TAF4: variants seen among roughly 807,000 people sequenced by gnomAD.
TAF4 encodes TATA-box binding protein associated factor 4, also known as transcription initiation factor TFIID subunit 4.
A neutral mutation model predicts 90.3 loss-of-function variants in TAF4; 9 were observed. The ratio of observed to expected loss-of-function variants is 0.10; its 90% confidence interval spans 0.06 to 0.17. TAF4 has a LOEUF of 0.17. Ranked by LOEUF, TAF4 falls within the 10% of genes least tolerant of loss-of-function variation. TAF4 has a pLI of 1.00. For missense variants in TAF4, 1,351 were observed against 1,370.7 expected, an observed-to-expected ratio of 0.99 and a Z score of 0.23; for synonymous variants, 818 against 638.9, an observed-to-expected ratio of 1.28 and a Z score of -4.23.
At chr20:61,997,779 CTTCT>C (rs1485312418) in intron 13 of TAF4, 110 bp from the exon 14 acceptor site, 3 of 1,357,192 alleles carry the variant, frequency 2.2e-6, no homozygotes, top group Non-Finnish European at 2.9e-6. Context: ...TAAATCATAA[CTTCT>C]TTAATGTTTT....
In TAF4 at chr20:62,065,709, C is replaced by T. The variant is rs1164943312; in HGVS notation, c.102G>A (p.Ala34=). 9 of 1,292,952 alleles carry T rather than the reference C, an allele frequency of 7.0e-6. No homozygotes were observed. The highest frequency in any genetic ancestry group is 8.0e-6 in the Non-Finnish European group (8 of 1,001,116). 80.1% of individuals were successfully genotyped at this position (1,292,952 alleles called of 1,614,324 possible). A position where few individuals can be genotyped will look rare whatever the true frequency, so the allele number is the denominator to read the frequency against. The change falls in exon 1 of 15, where the codon GCG becomes GCA. Residue 34 remains alanine, a synonymous_variant. Transcript: ENST00000252996. The part of the protein sequence containing the change: ...DLVGSLESQL[A]ASAAHHHHLA... Reference sequence around the variant, plus strand: ...GGTGGTGGTGGTGGGCCGCGCTGGCCGCCAGCTGCGACTCCAGCGAGCCCA... The same window carrying T: ...GGTGGTGGTGGTGGGCCGCGCTGGCTGCCAGCTGCGACTCCAGCGAGCCCA...
rs919682476 is a variant in TAF4, at chr20:61,998,201, G to C, written c.2914-9C>G. 11 of 1,610,770 alleles carry C rather than the reference G, an allele frequency of 6.8e-6. No homozygotes were observed. The highest frequency in any genetic ancestry group is 9.3e-6 in the Non-Finnish European group (11 of 1,179,146). ...TCTTGTCTTGACCGAGACTATTTTTGAAAGAGGCAGAAAAGAAAAGTAAGT... is the reference window on the plus strand; with the variant it reads ...TCTTGTCTTGACCGAGACTATTTTTCAAAGAGGCAGAAAAGAAAAGTAAGT... On this transcript the variant is annotated splice_polypyrimidine_tract_variant and intron_variant, in intron 12 of 14. Transcript: ENST00000252996.
At chr20:61,993,224 C>T (rs2055642961) in intron 14 of TAF4, among the ~76,000 whole-genome samples, 2 of 152,198 alleles carry the variant, frequency 1.3e-5, no homozygotes, top group South Asian at 4.1e-4. Context: ...GAAGCATGAC[C>T]AGCCACCGTC....
chr20:62,060,628 G>A (rs1243508117), intron 1 of TAF4, among the ~76,000 whole-genome samples: 2 of 152,240 alleles, frequency 1.3e-5, no homozygotes, highest in East Asian at 1.9e-4. Flanking sequence ...TCTTTACACA[G>A]CTCCCCAAAA....
At chr20:62,036,752 C>T (rs1008463037) in intron 1 of TAF4, among the ~76,000 whole-genome samples, 7 of 152,222 alleles carry the variant, frequency 4.6e-5, no homozygotes, top group Non-Finnish European at 1.0e-4. Flanking sequence ...CATCCACTCA[C>T]GACAAAAATT....
chr20:62,034,260 G>T (rs947363538), intron 1 of TAF4, among the ~76,000 whole-genome samples: 1 of 152,204 alleles, frequency 6.6e-6, no homozygotes, highest in Non-Finnish European at 1.5e-5. Context: ...GAGTGCTAGA[G>T]TAAGATCAAT....
intron 1 of TAF4, among the ~76,000 whole-genome samples, chr20:62,017,749 G>T (rs553738272): frequency 6.6e-6 from 1 of 151,958 alleles, no homozygotes; most frequent in African/African-American, 2.4e-5. Context: ...AAGCAGAATC[G>T]CTTGAACCTG....
chr20:62,011,592 CCACCCACTTT>C (rs755001370), intron 3 of TAF4, among the ~76,000 whole-genome samples: 1 of 152,208 alleles, frequency 6.6e-6, no homozygotes, highest in African/African-American at 2.4e-5. Flanking sequence ...AACCGCCCTT[CCACCCACTTT>C]CACCCACTGC....
At chr20:62,009,991 G>C (rs2055768897) in intron 4 of TAF4, 55 bp downstream of exon 4, 1 of 1,605,454 alleles carries the variant, frequency 6.2e-7, no homozygotes. Context: ...TGCATTTTCT[G>C]ACCTGCGCCA....
chr20:62,009,966 C>A, intron 4 of TAF4, 80 bp downstream of exon 4: 1 of 1,594,518 alleles, frequency 6.3e-7, no homozygotes, highest in Non-Finnish European at 8.5e-7. Context: ...AGAAGCCGGC[C>A]TGAGGTCTCA....
chr20:62,060,017 G>A (rs1010022449), intron 1 of TAF4, among the ~76,000 whole-genome samples: 5 of 152,250 alleles, frequency 3.3e-5, no homozygotes, highest in African/African-American at 1.2e-4. Flanking sequence ...CTGATTTCGG[G>A]ATGCGGACAC....
chr20:61,990,563 G>A (rs1373265465), intron 14 of TAF4, among the ~76,000 whole-genome samples: 2 of 152,210 alleles, frequency 1.3e-5, no homozygotes, highest in Non-Finnish European at 2.9e-5. Flanking sequence ...CCAGGAGCCA[G>A]CAGACTTCCT....
intron 1 of TAF4, among the ~76,000 whole-genome samples, chr20:62,047,194 G>A (rs2055998337): frequency 6.6e-6 from 1 of 152,028 alleles, no homozygotes; most frequent in South Asian, 2.1e-4. Flanking sequence ...TCTCTTTTCA[G>A]AAGGACAACT....
At chr20:62,036,185 G>A (rs184744074) in intron 1 of TAF4, among the ~76,000 whole-genome samples, 24 of 152,228 alleles carry the variant, frequency 1.6e-4, no homozygotes, top group Middle Eastern at 3.4e-3. Context: ...CATCACAACC[G>A]GCTAATTTTT....
At chr20:62,041,767 TAA>T (rs58834929) in intron 1 of TAF4, among the ~76,000 whole-genome samples, 3 of 140,928 alleles carry the variant, frequency 2.1e-5, no homozygotes. Context: ...CCCTTCTCTC[TAA>T]AAAAAAAAAA....
At chr20:62,013,186 G>C (rs995060846) in intron 2 of TAF4, among the ~76,000 whole-genome samples, 2 of 152,216 alleles carry the variant, frequency 1.3e-5, no homozygotes, top group African/African-American at 4.8e-5. Flanking sequence ...GGTCATCTCT[G>C]AAGAACGCAG....
chr20:62,032,258 C>T (rs529536640), intron 1 of TAF4, among the ~76,000 whole-genome samples: 2 of 152,338 alleles, frequency 1.3e-5, no homozygotes, highest in South Asian at 2.1e-4. Context: ...AGATTCCCTC[C>T]ACCCCCGAAC....
At position 62,064,453 on chromosome 20, in the gene TAF4, G is replaced by A; in HGVS notation, c.1358C>T (p.Pro453Leu). Residue 453 changes from proline to leucine, a missense_variant and splice_region_variant, in exon 1 of 15, where the codon CCA becomes CTA. Physicochemically the swap from Pro to Leu is moderately conservative, Grantham distance 98. Coordinates refer to ENST00000252996, the MANE Select transcript of TAF4 (RefSeq NM_003185.4). The part of the protein sequence containing the change: ...PTNIQNFQLP[P>L]GMVLVRSENG... ...TCCCGCCCCGTGCGGCCACTCACCT[G>A]GGGGCAGCTGGAAGTTCTGGATGTT... 7.0e-7 allele frequency: 1 copy of A among 1,433,246 alleles called. No homozygotes were observed. Among genetic ancestry groups the A allele is most frequent in the Non-Finnish European group, 9.2e-7 (1 of 1,086,736 alleles). 88.8% of individuals were successfully genotyped at this position (1,433,246 alleles called of 1,614,324 possible). A position where few individuals can be genotyped will look rare whatever the true frequency, so the allele number is the denominator to read the frequency against.
At position 62,017,482 on chromosome 20, in the gene TAF4, C is replaced by CAA. The variant is rs66697524; in HGVS notation, c.1361-2777_1361-2776dup. The stretch of plus-strand genomic sequence containing the variant: ...TGAAACCCCATCTCTACTAAAAATA[C>CAA]AAAAAAAAAAAAAAATTAGCCAGGC... On this transcript the variant is annotated intron_variant, in intron 1 of 14. Transcript: ENST00000252996. Among the ~76,000 whole-genome samples, 51 of 128,056 alleles carry CAA rather than the reference C, an allele frequency of 4.0e-4. 1 individual carries two copies. The highest frequency in any genetic ancestry group is 1.3e-3 in the African/African-American group (46 of 36,074). 84.0% of individuals were successfully genotyped at this position (128,056 alleles called of 152,430 possible). A position where few individuals can be genotyped will look rare whatever the true frequency, so the allele number is the denominator to read the frequency against.
Sources: allele counts gnomAD v4.1 joint callset (sites outside exome capture counted in the v4.1 genomes callset), GRCh38; gene constraint gnomAD v4.1.1; transcripts MANE v1.5; gene names NCBI Gene and HGNC (gene_info 2026-07-23, HGNC 2026-07-21).